SPAG17: variants seen among roughly 807,000 people sequenced by gnomAD.
SPAG17 encodes the protein sperm-associated antigen 17.
SPAG17 carries 169 observed loss-of-function variants against 273.6 expected under a neutral mutation model. That is an observed-to-expected ratio of 0.62 (90% CI 0.55 to 0.70). The LOEUF (loss-of-function observed/expected upper bound fraction) is 0.70. SPAG17 is among the 30% of genes least tolerant of loss of function. SPAG17 has a pLI of 0.00. For synonymous variants in SPAG17, 825 were observed against 873.2 expected (o/e 0.94, Z 0.97); for missense variants, 2,557 against 2,627.8 (o/e 0.97, Z 0.59).
At chr1:118,101,651 C>T (rs1656069947) in intron 5 of SPAG17, 89 bp downstream of exon 5, 1 of 1,308,978 alleles carries the variant, frequency 7.6e-7, no homozygotes, top group African/African-American at 1.5e-5. Context: ...ACTATGCGCT[C>T]TATGTGAGTC....
chr1:118,028,985 T>G (rs939461631), intron 25 of SPAG17, among the ~76,000 whole-genome samples: 4 of 152,134 alleles, frequency 2.6e-5, no homozygotes, highest in African/African-American at 4.8e-5. Flanking sequence ...CATGGTGGTG[T>G]GTGGTTGCAA....
chr1:118,031,875 C>G lies in SPAG17; in HGVS notation c.3434-8G>C. 2 of 1,548,282 alleles carry G rather than the reference C, an allele frequency of 1.3e-6. No individual in the cohort carries two copies. The highest frequency in any genetic ancestry group is 1.3e-5 in the South Asian group (1 of 79,876). On this transcript the variant is annotated splice_region_variant and splice_polypyrimidine_tract_variant and intron_variant, in intron 24 of 48. Coordinates refer to ENST00000336338, the MANE Select transcript of SPAG17 (RefSeq NM_206996.4). ...AATCAGGATCCTTATCTTCTATAAGCAGAAAAAGTAAAAATGAAGTTGATT... is the reference window on the plus strand; with the variant it reads ...AATCAGGATCCTTATCTTCTATAAGGAGAAAAAGTAAAAATGAAGTTGATT...
chr1:117,957,297 C>G, intron 48 of SPAG17: 1 of 1,394,604 alleles, frequency 7.2e-7, no homozygotes, highest in Non-Finnish European at 9.5e-7. Context: ...AAATAGTATG[C>G]CGAACTCGGT....
intron 1 of SPAG17, 48 bp from the exon 2 acceptor site, chr1:118,151,417 C>T (rs1659378148): frequency 6.7e-7 from 1 of 1,491,228 alleles, no homozygotes; most frequent in Non-Finnish European, 9.1e-7. Flanking sequence ...CTGAATAGGT[C>T]ATTTCGTGTC....
chr1:118,130,171 T>C (rs1380395810), intron 3 of SPAG17, among the ~76,000 whole-genome samples: 1 of 152,206 alleles, frequency 6.6e-6, no homozygotes, highest in African/African-American at 2.4e-5. Flanking sequence ...GTATGTCTCC[T>C]GGCTGACTAC....
intron 29 of SPAG17, among the ~76,000 whole-genome samples, chr1:118,014,763 AG>A (rs528281453): frequency 1.0e-3 from 154 of 152,328 alleles, no homozygotes; most frequent in Non-Finnish European, 1.8e-3. Flanking sequence ...TTAGATTCAG[AG>A]GGTGCTGCAA....
chr1:118,172,553 G>A (rs889988205), intron 1 of SPAG17, among the ~76,000 whole-genome samples: 2 of 152,118 alleles, frequency 1.3e-5, no homozygotes, highest in Non-Finnish European at 2.9e-5. Context: ...ACCAGCTTCA[G>A]ATAATCTGCA....
At chr1:118,100,293 G>A (rs536480014) in intron 5 of SPAG17, among the ~76,000 whole-genome samples, 331 of 152,280 alleles carry the variant, frequency 2.2e-3, no homozygotes, top group African/African-American at 7.7e-3. Flanking sequence ...TGTGAATCCC[G>A]AGTATGGATT....
At chr1:118,125,852 T>C (rs1382823020) in intron 3 of SPAG17, among the ~76,000 whole-genome samples, 1 of 152,188 alleles carries the variant, frequency 6.6e-6, no homozygotes, top group Non-Finnish European at 1.5e-5. Context: ...AGATATTTCT[T>C]TAATATACTG....
chr1:118,077,919 C>CCT (rs1184943306), intron 15 of SPAG17, among the ~76,000 whole-genome samples: 2 of 152,060 alleles, frequency 1.3e-5, no homozygotes, highest in Admixed American at 6.6e-5. Context: ...TGAAGTTAGC[C>CCT]CTCTGTTCAA....
chr1:117,974,247 G>C (rs1489451349), intron 43 of SPAG17, among the ~76,000 whole-genome samples: 2 of 152,148 alleles, frequency 1.3e-5, no homozygotes, highest in Non-Finnish European at 2.9e-5. Flanking sequence ...TTTAAAAGGA[G>C]AAAAGTCTTC....
rs200995274 is a variant in SPAG17 at position 118,042,002 on chromosome 1, C to T, written c.2855G>A (p.Arg952His). The part of the protein sequence containing the change: ...EEQHRLAEEE[R>H]LREEKKAEKK... ...CTCTGCTTTCTTTTCTTCCCTTAAGCGCTCCTCTTCTGCTAATCGATGTTG... is the reference window on the plus strand; with the variant it reads ...CTCTGCTTTCTTTTCTTCCCTTAAGTGCTCCTCTTCTGCTAATCGATGTTG... The change falls in exon 21 of 49, where the codon CGC becomes CAC. Residue 952 changes from arginine to histidine, a missense_variant. Arg to His is a conservative substitution (Grantham distance 29). Transcript: ENST00000336338. 6.8e-5 allele frequency: 110 copies of T among 1,613,608 alleles called. No homozygotes were observed. Among genetic ancestry groups the T allele is most frequent in the Middle Eastern group, 1.6e-4 (1 of 6,082 alleles).
At chr1:118,022,642 A>G (rs1647247075) in intron 28 of SPAG17, among the ~76,000 whole-genome samples, 1 of 152,144 alleles carries the variant, frequency 6.6e-6, no homozygotes. Flanking sequence ...CAGTCTTGCA[A>G]TTTAGATTAT....
At chr1:118,097,227 CA>C (rs5777334) in intron 7 of SPAG17, among the ~76,000 whole-genome samples, 56,876 of 129,650 alleles carry the variant, frequency 0.44, 11,748 homozygotes, top group Non-Finnish European at 0.52. Flanking sequence ...AAGACTGTCT[CA>C]AAAAAAAAAA....
intron 10 of SPAG17, among the ~76,000 whole-genome samples, chr1:118,089,431 AT>A (rs1006989667): frequency 6.6e-6 from 1 of 151,188 alleles, no homozygotes; most frequent in African/African-American, 2.4e-5. Flanking sequence ...AGTGTAAGGA[AT>A]TTTTATTTCA....
At chr1:118,101,257 A>G (rs1400346254) in intron 5 of SPAG17, among the ~76,000 whole-genome samples, 1 of 152,180 alleles carries the variant, frequency 6.6e-6, no homozygotes, top group Non-Finnish European at 1.5e-5. Context: ...TCTACAAAAT[A>G]AATTAATAAG....
At chr1:117,966,102 A>C (rs1215794668) in intron 47 of SPAG17, 1 of 152,252 alleles carries the variant, frequency 6.6e-6, no homozygotes, top group East Asian at 1.9e-4. Context: ...TCTGCTACAA[A>C]TTATATAATA....
intron 17 of SPAG17, among the ~76,000 whole-genome samples, chr1:118,068,768 AAATAT>A (rs1653249059): frequency 1.3e-5 from 2 of 152,118 alleles, no homozygotes; most frequent in Non-Finnish European, 2.9e-5. Flanking sequence ...TTTTCCTCTA[AAATAT>A]GATAAAGATT....
intron 48 of SPAG17, chr1:117,959,192 G>C: frequency 6.9e-7 from 1 of 1,447,414 alleles, no homozygotes; most frequent in Non-Finnish European, 9.3e-7. Context: ...GGAAAGATAA[G>C]TAACAACACC....
Sources: allele counts gnomAD v4.1 joint callset (sites outside exome capture counted in the v4.1 genomes callset), GRCh38; gene constraint gnomAD v4.1.1; transcripts MANE v1.5; gene names NCBI Gene and HGNC (gene_info 2026-07-23, HGNC 2026-07-21).